MED27: variants seen among roughly 807,000 people sequenced by gnomAD.
MED27 encodes mediator complex subunit 27.
Under a neutral mutation model 38.2 loss-of-function variants are expected in MED27, and 30 were observed. The observed-to-expected ratio is 0.79, with a 90% CI of 0.59 to 1.07. The LOEUF is 1.07. Among genes scored for constraint, MED27 ranks in the 50% least tolerant of loss-of-function variants. The pLI, the probability that MED27 is intolerant of heterozygous loss-of-function variation, is 0.00. For missense variants in MED27, 289 were observed against 397.5 expected, an observed-to-expected ratio of 0.73 and a Z score of 2.32; for synonymous variants, 122 against 153.5, an observed-to-expected ratio of 0.79 and a Z score of 1.52.
chr9:132,031,716 T>A (rs1406673038), intron 2 of MED27, among the ~76,000 whole-genome samples: 3 of 152,106 alleles, frequency 2.0e-5, no homozygotes, highest in South Asian at 4.2e-4. Context: ...ACATCTGGTA[T>A]AAATCTTGTA....
rs373293483 is a variant in MED27, at chr9:131,933,265, C to T, written c.573+6116G>A. Among the ~76,000 whole-genome samples the T allele has an allele frequency of 2.1e-3, 315 of 152,046 alleles. 1 individual carries two copies. The highest frequency in any genetic ancestry group is 7.4e-3 in the African/African-American group (307 of 41,476). On this transcript the variant is annotated intron_variant, in intron 4 of 7. Coordinates refer to ENST00000292035, the MANE Select transcript of MED27 (RefSeq NM_004269.4). ...TACTGGAAGTCCTAGCTAGAGCAAT[C>T]AGACAAGAGAAAAAAATAGAGGGCA...
Position 131,889,591 on chromosome 9 carries a change from G to A in MED27, c.681+4294C>T, listed in dbSNP as rs1839195398. 6.6e-6 allele frequency among the ~76,000 whole-genome samples: 1 copy of A among 152,158 alleles called. No homozygotes were observed. The highest frequency in any genetic ancestry group is 1.5e-5 in the Non-Finnish European group (1 of 68,030). On this transcript the variant is annotated intron_variant, in intron 5 of 7. Transcript: ENST00000292035. This position sits in a 1 kb window ranked among gnomAD's most constrained non-coding sequence, Gnocchi z 4.2. ...GTCCTTGGTATCAAAAATATGCATT[G>A]CAGGTAAAGAGACAGGATGCTAGGG... is the stretch of plus-strand genomic sequence containing the variant.
intron 6 of MED27, among the ~76,000 whole-genome samples, chr9:131,882,812 C>T (rs1298948555): frequency 6.6e-6 from 1 of 152,170 alleles, no homozygotes; most frequent in Non-Finnish European, 1.5e-5. Context: ...CAGTTAATCA[C>T]CTGGAGTCAT....
chr9:131,919,951 G>C (rs1830359343), intron 4 of MED27, among the ~76,000 whole-genome samples: 1 of 151,980 alleles, frequency 6.6e-6, no homozygotes, highest in Non-Finnish European at 1.5e-5. Context: ...TGGGACTACA[G>C]GATATGCATC....
intron 2 of MED27, among the ~76,000 whole-genome samples, chr9:132,055,253 A>T (rs1313095975): frequency 6.6e-6 from 1 of 152,232 alleles, no homozygotes; most frequent in Non-Finnish European, 1.5e-5. Flanking sequence ...GGTACAAAAT[A>T]GTTATGCCCC....
chr9:131,915,236 G>A (rs943112508), intron 4 of MED27, among the ~76,000 whole-genome samples: 2 of 152,196 alleles, frequency 1.3e-5, no homozygotes, highest in African/African-American at 4.8e-5. Flanking sequence ...AGCCAGTGAA[G>A]GGGGAGGTGA....
chr9:131,897,229 T>C, intron 4 of MED27, among the ~76,000 whole-genome samples: 1 of 152,240 alleles, frequency 6.6e-6, no homozygotes. Context: ...GGCCACAGTG[T>C]ATATTTTTGT....
chr9:132,044,447 G>GGGAGAA (rs1314068865), intron 2 of MED27, among the ~76,000 whole-genome samples: 2 of 152,248 alleles, frequency 1.3e-5, no homozygotes, highest in South Asian at 2.1e-4. Flanking sequence ...CAGAGGGAGA[G>GGGAGAA]GGAGAAGGAG....
At chr9:132,074,531 G>A (rs1834006036) in intron 2 of MED27, among the ~76,000 whole-genome samples, 1 of 152,148 alleles carries the variant, frequency 6.6e-6, no homozygotes, top group African/African-American at 2.4e-5. Context: ...GCACTTACTG[G>A]TTTAAACTCT....
chr9:131,959,337 T>G (rs1831167534), intron 3 of MED27, among the ~76,000 whole-genome samples: 1 of 152,206 alleles, frequency 6.6e-6, no homozygotes, highest in Non-Finnish European at 1.5e-5. Flanking sequence ...AAGTGGTCAG[T>G]TATATGATGA....
At chr9:131,908,998 C>G (rs1043588083) in intron 4 of MED27, among the ~76,000 whole-genome samples, 1 of 152,096 alleles carries the variant, frequency 6.6e-6, no homozygotes, top group African/African-American at 2.4e-5. Flanking sequence ...GTTCAAATGC[C>G]TCTGACAATA....
intron 2 of MED27, among the ~76,000 whole-genome samples, chr9:132,060,351 T>C (rs1833670790): frequency 6.6e-6 from 1 of 152,104 alleles, no homozygotes; most frequent in Non-Finnish European, 1.5e-5. Context: ...CTTGACCTCT[T>C]TGGCTGCCAG....
intron 4 of MED27, among the ~76,000 whole-genome samples, chr9:131,935,925 G>C (rs757185841): frequency 6.6e-6 from 1 of 151,902 alleles, no homozygotes; most frequent in Non-Finnish European, 1.5e-5. Flanking sequence ...TGAGGCAGAC[G>C]CATCACTTGA....
chr9:131,865,093 C>T (rs117956861), intron 6 of MED27, among the ~76,000 whole-genome samples: 1 of 152,314 alleles, frequency 6.6e-6, no homozygotes, highest in Non-Finnish European at 1.5e-5. Flanking sequence ...AAACGCCCAC[C>T]CACCAAAGGC....
At chr9:131,958,976 T>C (rs1289950631) in intron 3 of MED27, among the ~76,000 whole-genome samples, 1 of 152,258 alleles carries the variant, frequency 6.6e-6, no homozygotes, top group Non-Finnish European at 1.5e-5. Context: ...GAGTTTCACA[T>C]GTGTTTGAAT....
intron 5 of MED27, 25 bp downstream of exon 5, chr9:131,893,860 A>C (rs766963592): frequency 6.4e-7 from 1 of 1,556,868 alleles, no homozygotes; most frequent in South Asian, 1.1e-5. Context: ...AAACCAAGGA[A>C]CACACAAGAC....
chr9:132,053,977 C>T (rs1049973068), intron 2 of MED27, among the ~76,000 whole-genome samples: 2 of 151,626 alleles, frequency 1.3e-5, no homozygotes, highest in Non-Finnish European at 2.9e-5. Context: ...AAATTTCCTT[C>T]TTAAAACAAA....
chr9:131,934,616 G>A (rs909558824), intron 4 of MED27, among the ~76,000 whole-genome samples: 5 of 152,306 alleles, frequency 3.3e-5, no homozygotes, highest in Admixed American at 3.3e-4. Context: ...TGGTGGAAAT[G>A]TAAATTAGTA....
intron 2 of MED27, among the ~76,000 whole-genome samples, chr9:132,014,975 T>C (rs777113124): frequency 6.6e-6 from 1 of 152,240 alleles, no homozygotes; most frequent in Non-Finnish European, 1.5e-5. Flanking sequence ...ATCCAGAGGT[T>C]TTCCTTAGAG....
Sources: gnomAD v4.1 joint callset for allele counts (sites outside exome capture counted in the v4.1 genomes callset) on GRCh38, gnomAD v4.1.1 for gene constraint, Gnocchi (gnomAD v3.1) non-coding constraint, MANE v1.5 for transcripts, NCBI Gene and HGNC (gene_info 2026-07-23, HGNC 2026-07-21) for gene names.